Variants in KCNMA1 observed in about 807,000 individuals in gnomAD.
The protein encoded by KCNMA1 is potassium calcium-activated channel subfamily M alpha 1.
In KCNMA1, 29 loss-of-function variants were observed where a neutral mutation model predicts 140.0. The ratio of observed to expected loss-of-function variants is 0.21; its 90% CI spans 0.15 to 0.28. The LOEUF (loss-of-function observed/expected upper bound fraction) is 0.28, where lower values mean the gene tolerates loss of function less well. Ranked by LOEUF, KCNMA1 falls within the 10% of genes least tolerant of loss-of-function variation. KCNMA1 has a pLI of 1.00. For missense variants in KCNMA1, 880 were observed against 1,602.2 expected, an observed-to-expected ratio of 0.55 and a Z score of 7.70; for synonymous variants, 612 against 611.9, an observed-to-expected ratio of 1.00 and a Z score of 0.00.
chr10:77,446,709 GGC>G (rs532596186), intron 1 of KCNMA1, among the ~76,000 whole-genome samples: 26 of 152,288 alleles, frequency 1.7e-4, no homozygotes, highest in Admixed American at 1.7e-3. Context: ...CCTTAGAGTG[GGC>G]AGGAAAGACA....
Position 77,226,513 on chromosome 10 carries a change from G to A in KCNMA1, c.602+24682C>T, listed in dbSNP as rs570496408. ...CACCCCTCAAGCATGAGACAGCCAC[G>A]AGAAGGCCCCCTGCAGCCACAAACA... On this transcript the variant is annotated intron_variant, in intron 3 of 27. Coordinates refer to ENST00000286628, the MANE Select transcript of KCNMA1 (RefSeq NM_001161352.2). 1.2e-4 allele frequency among the ~76,000 whole-genome samples: 18 copies of A among 151,902 alleles called. No individual in the cohort carries two copies. The East Asian group carries it at 1.6e-3, about 13-fold the overall frequency.
chr10:77,605,763 T>C (rs1238855312), intron 1 of KCNMA1, among the ~76,000 whole-genome samples: 1 of 152,222 alleles, frequency 6.6e-6, no homozygotes, highest in Non-Finnish European at 1.5e-5. Flanking sequence ...GGCTGGCTGA[T>C]ACATGGCAAT....
chr10:77,351,409 T>G (rs2092865232), intron 2 of KCNMA1, among the ~76,000 whole-genome samples: 1 of 152,200 alleles, frequency 6.6e-6, no homozygotes, highest in African/African-American at 2.4e-5. Flanking sequence ...CCAGCCTATT[T>G]GGTAAGCTGG....
At chr10:77,110,449 C>T in intron 7 of KCNMA1, 106 bp from the exon 8 acceptor site, 2 of 903,054 alleles carry the variant, frequency 2.2e-6, no homozygotes, top group Non-Finnish European at 3.7e-6. Flanking sequence ...TGCTACTGCA[C>T]ACCACTCTCC....
intron 2 of KCNMA1, among the ~76,000 whole-genome samples, chr10:77,390,469 C>T (rs1479434090): frequency 1.3e-5 from 2 of 152,178 alleles, no homozygotes; most frequent in East Asian, 3.8e-4. Context: ...AGTTGCCCAC[C>T]TCATGGTTCA....
At chr10:76,879,514 T>A (rs1358369185) in intron 29 of KCNMA1, among the ~76,000 whole-genome samples, 2 of 152,164 alleles carry the variant, frequency 1.3e-5, no homozygotes. Flanking sequence ...TCTGAGATGA[T>A]CTACAGCTTG....
intron 3 of KCNMA1, among the ~76,000 whole-genome samples, chr10:77,199,378 G>A (rs2041735574): frequency 1.3e-5 from 2 of 152,090 alleles, no homozygotes; most frequent in South Asian, 4.1e-4. Flanking sequence ...TTAATTTCTG[G>A]CAGCAGATAT....
At chr10:77,520,139 GTGTGCAGTGTGAGGTCTGGCA>G (rs2052551889) in intron 1 of KCNMA1, among the ~76,000 whole-genome samples, 1 of 129,360 alleles carries the variant, frequency 7.7e-6, no homozygotes, top group Non-Finnish European at 1.6e-5. Flanking sequence ...CAGTGTGAGG[GTGTGCAGTGTGAGGTCTGGCA>G]TATGCAGTGT....
At chr10:77,415,215 T>A (rs918695243) in intron 1 of KCNMA1, among the ~76,000 whole-genome samples, 16 of 152,216 alleles carry the variant, frequency 1.1e-4, no homozygotes, top group Non-Finnish European at 2.2e-4. Flanking sequence ...CTCCAAACTT[T>A]CAGGGCTAAT....
exon 28 of KCNMA1, chr10:76,870,046 T>A (rs1402805698): frequency 6.5e-6 from 1 of 152,694 alleles, no homozygotes; most frequent in Non-Finnish European, 1.5e-5. Flanking sequence ...GCAACGTTTT[T>A]AATTAGGATT....
At chr10:77,299,965 G>C (rs1179242868) in intron 2 of KCNMA1, among the ~76,000 whole-genome samples, 3 of 152,226 alleles carry the variant, frequency 2.0e-5, no homozygotes, top group Non-Finnish European at 4.4e-5. Flanking sequence ...TAGGGAGGCT[G>C]TGTCCACTGT....
chr10:77,416,639 G>A (rs1463853023), intron 1 of KCNMA1, among the ~76,000 whole-genome samples: 2 of 152,082 alleles, frequency 1.3e-5, no homozygotes, highest in Non-Finnish European at 2.9e-5. Flanking sequence ...TGCCCCACAC[G>A]GAAGGGAACA....
At chr10:77,038,076 G>T (rs925524737) in intron 15 of KCNMA1, among the ~76,000 whole-genome samples, 1 of 152,194 alleles carries the variant, frequency 6.6e-6, no homozygotes, top group Non-Finnish European at 1.5e-5. Flanking sequence ...GACAGGGTGA[G>T]AAATTTCAGT....
At chr10:77,455,669 T>C (rs166991) in intron 1 of KCNMA1, among the ~76,000 whole-genome samples, 62,852 of 151,924 alleles carry the variant, frequency 0.41, 13,326 homozygotes, top group South Asian at 0.61. Flanking sequence ...CCCTCCTCTC[T>C]TCCCCATGAA....
chr10:76,891,802 T>A, intron 25 of KCNMA1, 83 bp from the exon 26 acceptor site: 1 of 1,161,000 alleles, frequency 8.6e-7, no homozygotes. Context: ...ATTACAACTT[T>A]TCTTGGTATC....
At position 77,622,606 on chromosome 10, in the gene KCNMA1, T is replaced by C. The variant is rs140797690; in HGVS notation, c.378+14659A>G. ...CACACAGTAATCACTCAAAGTTTGTTATCCAAAAAAAGAAAAACATTCTCA... is the reference window on the plus strand; with the variant it reads ...CACACAGTAATCACTCAAAGTTTGTCATCCAAAAAAAGAAAAACATTCTCA... On this transcript the variant is annotated intron_variant, in intron 1 of 27. Transcript: ENST00000286628. Among the ~76,000 whole-genome samples, 81 of 152,332 alleles carry C rather than the reference T, an allele frequency of 5.3e-4. No individual in the cohort carries two copies. In the East Asian group the frequency reaches 0.015, roughly 29 times the overall value.
At chr10:77,133,787 C>G (rs2097914744) in intron 5 of KCNMA1, among the ~76,000 whole-genome samples, 1 of 152,042 alleles carries the variant, frequency 6.6e-6, no homozygotes, top group African/African-American at 2.4e-5. Context: ...TATTAGTAAA[C>G]TAGGAACACA....
At chr10:77,014,415 T>C (rs1400367946) in intron 17 of KCNMA1, among the ~76,000 whole-genome samples, 4 of 141,608 alleles carry the variant, frequency 2.8e-5, no homozygotes, top group East Asian at 2.1e-4. Context: ...GCCTGGGCAA[T>C]AGAGCAAGAC....
chr10:77,430,477 G>C (rs1345691620), intron 1 of KCNMA1, among the ~76,000 whole-genome samples: 1 of 152,044 alleles, frequency 6.6e-6, no homozygotes, highest in African/African-American at 2.4e-5. Context: ...TTTTTCCTGG[G>C]CTCATCCTCA....
Sources: gnomAD v4.1 joint callset for allele counts (sites outside exome capture counted in the v4.1 genomes callset) on GRCh38, gnomAD v4.1.1 for gene constraint, MANE v1.5 for transcripts, NCBI Gene and HGNC (gene_info 2026-07-23, HGNC 2026-07-21) for gene names.